The following TCF25 variants were observed in gnomAD, a reference collection of about 807,000 sequenced individuals.
TCF25 encodes the protein ribosome quality control complex subunit TCF25.
TCF25 carries 41 observed loss-of-function variants against 83.1 expected under a neutral mutation model. The observed-to-expected ratio is 0.49, with a 90% CI of 0.38 to 0.64. The LOEUF is 0.64. Among genes scored for constraint, TCF25 ranks in the 30% least tolerant of loss-of-function variants. The pLI, the probability that TCF25 is intolerant of heterozygous loss-of-function variation, is 0.00. For missense variants in TCF25, 979 were observed against 914.5 expected (o/e 1.07, Z -0.91); for synonymous variants, 458 against 365.0 (o/e 1.25, Z -2.90).
intron 5 of TCF25, among the ~76,000 whole-genome samples, chr16:89,891,111 G>C (rs2043393778): frequency 6.6e-6 from 1 of 152,180 alleles, no homozygotes; most frequent in East Asian, 1.9e-4. Context: ...CCATTGCTCA[G>C]GGCGCCTGCC....
At chr16:89,874,186 G>A (rs1052353054) in intron 1 of TCF25, among the ~76,000 whole-genome samples, 1 of 152,122 alleles carries the variant, frequency 6.6e-6, no homozygotes, top group Admixed American at 6.5e-5. Flanking sequence ...GGTTGTGGAG[G>A]GTGCGGGGCC....
At chr16:89,893,671 G>A (rs1168966688) in intron 6 of TCF25, 57 bp from the exon 7 acceptor site, 6 of 1,611,312 alleles carry the variant, frequency 3.7e-6, no homozygotes, top group Middle Eastern at 2.0e-4. Flanking sequence ...GGCTGTGCTC[G>A]GAGCTGCCCA....
intron 3 of TCF25, among the ~76,000 whole-genome samples, chr16:89,885,184 T>G (rs1441758291): frequency 6.6e-6 from 1 of 152,248 alleles, no homozygotes; most frequent in Non-Finnish European, 1.5e-5. Flanking sequence ...TACTTAGTAT[T>G]TTTATTCCTT....
chr16:89,880,009 G>T (rs1010347612), intron 1 of TCF25, among the ~76,000 whole-genome samples: 23 of 142,120 alleles, frequency 1.6e-4, no homozygotes, highest in Non-Finnish European at 3.5e-4. Flanking sequence ...ATGTACACAG[G>T]CAGGCTCCTG....
At chr16:89,885,504 C>G (rs1040262252) in intron 3 of TCF25, among the ~76,000 whole-genome samples, 17 of 152,214 alleles carry the variant, frequency 1.1e-4, no homozygotes, top group Admixed American at 5.9e-4. Context: ...TCGTCCTCGT[C>G]TGACTGTGTC....
chr16:89,910,229 C>A, intron 16 of TCF25: 1 of 292,494 alleles, frequency 3.4e-6, no homozygotes, highest in Non-Finnish European at 6.6e-6. Context: ...AAGCTTCTGC[C>A]TTTGCGTAAG....
chr16:89,905,083 G>T lies in TCF25; in HGVS notation c.1615G>T (p.Ala539Ser), dbSNP rs1208282053. 1 of 1,598,462 alleles carries T rather than the reference G, an allele frequency of 6.3e-7. No individual in the cohort carries two copies. Among genetic ancestry groups the T allele is most frequent in the Admixed American group, 1.7e-5 (1 of 58,306 alleles). ...GGACGCCGGGGACCCAGCCGTGGAA[G>T]CCTGTGAGAACCGGTGAGCTAGGGG... The part of the protein sequence containing the change: ...AVDAGDPAVE[A>S]CENRRKVLYQ... Residue 539 changes from alanine to serine, a missense_variant, in exon 14 of 18, where the codon GCC (alanine) becomes TCC (serine). Physicochemically the swap from Ala to Ser is moderately conservative, Grantham distance 99. Transcript: ENST00000263346.
Position 89,884,037 on chromosome 16 carries a change from A to G in TCF25, c.354+525A>G, listed in dbSNP as rs541303031. 9.6e-5 allele frequency: 16 copies of G among 166,732 alleles called. 1 individual carries two copies. In the South Asian group the frequency reaches 2.3e-3, roughly 24 times the overall value. The allele number at this position is 166,732 out of a possible 1,614,324, so 10.3% of individuals were successfully genotyped here. A position where few individuals can be genotyped will look rare whatever the true frequency, so the allele number is the denominator to read the frequency against. Reference sequence around the variant, plus strand: ...AGAGCTTGTGTTCATTTATCCAACAAGTGTTCTTGGGAGCTTGCTGGGTGC... The same window carrying G: ...AGAGCTTGTGTTCATTTATCCAACAGGTGTTCTTGGGAGCTTGCTGGGTGC... On this transcript the variant is annotated intron_variant, in intron 2 of 17. Transcript: ENST00000263346.
intron 1 of TCF25, among the ~76,000 whole-genome samples, chr16:89,876,952 A>T (rs1314952546): frequency 6.8e-6 from 1 of 146,258 alleles, no homozygotes; most frequent in Non-Finnish European, 1.5e-5. Context: ...AAAAAAAAAA[A>T]TTGGCCAGGC....
chr16:89,879,432 G>A (rs1269308812), intron 1 of TCF25, among the ~76,000 whole-genome samples: 11 of 126,306 alleles, frequency 8.7e-5, no homozygotes, highest in East Asian at 2.6e-4. Context: ...TGGGCTTCGG[G>A]GCCTGTCACA....
rs1337058516 is a variant in TCF25 at position 89,900,484 on chromosome 16, C to T, written c.1222-151C>T. 6.0e-6 allele frequency: 5 copies of T among 835,080 alleles called. No homozygotes were observed. The South Asian group carries it at 1.6e-4, about 27-fold the overall frequency. 51.7% of individuals were successfully genotyped at this position (835,080 alleles called of 1,614,324 possible). ...CCCCCAGGTGGACGTTTTAAGTTAT[C>T]TTTATGCTGAGTTAGGAAGAGGCCC... On this transcript the variant is annotated intron_variant, in intron 11 of 17. Transcript: ENST00000263346.
chr16:89,883,166 C>T (rs2042733251), intron 1 of TCF25, among the ~76,000 whole-genome samples, 185 bp from the exon 2 acceptor site: 1 of 152,188 alleles, frequency 6.6e-6, no homozygotes, highest in Non-Finnish European at 1.5e-5. Flanking sequence ...CAAAGTCCCC[C>T]TGAGCCAGAG....
At chr16:89,885,989 C>CTGCCCTTCTCTGT in intron 4 of TCF25, 23 bp downstream of exon 4, 3 of 1,367,162 alleles carry the variant, frequency 2.2e-6, no homozygotes, top group Non-Finnish European at 3.0e-6. Flanking sequence ...CCCTTCTCTG[C>CTGCCCTTCTCTGT]GGCTGCCCTT....
chr16:89,885,713 G>T (rs2042953132), intron 3 of TCF25, 135 bp from the exon 4 acceptor site: 1 of 726,056 alleles, frequency 1.4e-6, no homozygotes, highest in Non-Finnish European at 2.4e-6. Context: ...ATGGTACATA[G>T]TGTTTGACTT....
chr16:89,897,720 C>G (rs2043973551), intron 9 of TCF25, among the ~76,000 whole-genome samples: 1 of 152,198 alleles, frequency 6.6e-6, no homozygotes, highest in South Asian at 2.1e-4. Flanking sequence ...AGCCTGAGTG[C>G]TGTTAGCCAC....
At chr16:89,874,171 G>T (rs924618760) in intron 1 of TCF25, among the ~76,000 whole-genome samples, 4 of 152,096 alleles carry the variant, frequency 2.6e-5, no homozygotes, top group Non-Finnish European at 4.4e-5. Context: ...GTTAAGCGGG[G>T]TCCGGGTTGT....
chr16:89,885,672 G>C (rs966800551), intron 3 of TCF25, among the ~76,000 whole-genome samples, 176 bp from the exon 4 acceptor site: 2 of 152,140 alleles, frequency 1.3e-5, no homozygotes, highest in East Asian at 3.8e-4. Flanking sequence ...CGCTTCTTAG[G>C]AAACATCTCT....
At chr16:89,900,387 G>A (rs537307826) in intron 11 of TCF25, among the ~76,000 whole-genome samples, 4 of 152,242 alleles carry the variant, frequency 2.6e-5, no homozygotes, top group African/African-American at 9.6e-5. Context: ...CACTCCCCAC[G>A]GTGTCCTCGC....
intron 13 of TCF25, 22 bp from the exon 14 acceptor site, chr16:89,904,916 C>T: frequency 6.3e-7 from 1 of 1,594,922 alleles, no homozygotes; most frequent in Non-Finnish European, 8.5e-7. Flanking sequence ...GGGTTCTGCT[C>T]AGAGCCCTTG....
Sources: gnomAD v4.1 joint callset for allele counts (sites outside exome capture counted in the v4.1 genomes callset) on GRCh38, gnomAD v4.1.1 for gene constraint, MANE v1.5 for transcripts, NCBI Gene and HGNC (gene_info 2026-07-23, HGNC 2026-07-21) for gene names.